RABGGTA: variants seen among roughly 807,000 people sequenced by gnomAD.
RABGGTA encodes the protein Rab geranylgeranyltransferase subunit alpha, also known as geranylgeranyl transferase type-2 subunit alpha.
RABGGTA carries 69 observed loss-of-function variants against 83.3 expected under a neutral mutation model. The ratio of observed to expected loss-of-function variants is 0.83; its 90% CI spans 0.68 to 1.01. RABGGTA has a LOEUF of 1.01. RABGGTA is among the 50% of genes least tolerant of loss of function. The probability of loss-of-function intolerance (pLI) is 0.00; values close to 1 mark genes in which losing one functional copy is unlikely to be tolerated. For synonymous variants in RABGGTA, 310 were observed against 299.8 expected, an observed-to-expected ratio of 1.03 and a Z score of -0.35; for missense variants, 681 against 712.7, an observed-to-expected ratio of 0.96 and a Z score of 0.51.
At chr14:24,266,663 A>T in intron 15 of RABGGTA, 113 bp downstream of exon 15, 1 of 1,226,738 alleles carries the variant, frequency 8.2e-7, no homozygotes, top group Non-Finnish European at 1.2e-6. Flanking sequence ...GCACGCAGTT[A>T]CCTGTTCGGG....
Position 24,269,613 on chromosome 14 carries a change from A to C in RABGGTA, c.509T>G (p.Leu170Arg). ...GTAGTTGGAGAAGTTTCGGGTGATG[A>C]GGCTGTCAGTGAAGGCTAGCTCTTC... ...PAEELAFTDS[L>R]ITRNFSNYSS... The change falls in exon 6 of 17, where the codon CTC becomes CGC. Residue 170 changes from leucine to arginine, a missense_variant. Physicochemically the swap from Leu to Arg is moderately radical, Grantham distance 102. This residue lies in a region of RABGGTA where 122 missense variants were observed against 118.9 expected (regional missense o/e 1.03). Coordinates refer to ENST00000216840, the MANE Select transcript of RABGGTA (RefSeq NM_182836.3). 1 of 1,613,858 alleles carries C rather than the reference A, an allele frequency of 6.2e-7. No homozygotes were observed. The highest frequency in any genetic ancestry group is 1.1e-5 in the South Asian group (1 of 91,082).
At chr14:24,266,980 G>T in intron 14 of RABGGTA, 91 bp from the exon 15 acceptor site, 1 of 944,272 alleles carries the variant, frequency 1.1e-6, no homozygotes, top group Non-Finnish European at 1.7e-6. Context: ...CATGCCCTCT[G>T]TGCCCCACAG....
intron 14 of RABGGTA, among the ~76,000 whole-genome samples, chr14:24,267,320 T>C (rs191048311): frequency 6.6e-6 from 1 of 152,080 alleles, no homozygotes. Context: ...CTCTGGAAAG[T>C]ATTTGGCCTT....
chr14:24,267,059 T>C (rs545873246), intron 14 of RABGGTA, among the ~76,000 whole-genome samples, 170 bp from the exon 15 acceptor site: 3 of 152,194 alleles, frequency 2.0e-5, no homozygotes, highest in Admixed American at 1.3e-4. Flanking sequence ...CCCACAGCAG[T>C]ACATGACGTG....
chr14:24,266,927 C>T (rs751949476), intron 14 of RABGGTA, 38 bp from the exon 15 acceptor site: 1 of 1,491,118 alleles, frequency 6.7e-7, no homozygotes, highest in Admixed American at 1.7e-5. Flanking sequence ...ATGGGCTTCC[C>T]AGGAGACCTG....
intron 13 of RABGGTA, 25 bp downstream of exon 13, chr14:24,267,845 G>A (rs532947880): frequency 4.3e-5 from 69 of 1,612,010 alleles, no homozygotes; most frequent in Non-Finnish European, 5.3e-5. Flanking sequence ...GCCTCCCCCT[G>A]GTCTGTTCTG....
Position 24,266,479 on chromosome 14 carries a change from G to A in RABGGTA, c.1506C>T (p.Asp502=), listed in dbSNP as rs200213681. 1.4e-3 allele frequency: 2,242 copies of A among 1,613,958 alleles called. 4 individuals are homozygous for A. Among genetic ancestry groups the A allele is most frequent in the Non-Finnish European group, 1.7e-3 (1,967 of 1,179,870 alleles). ...QASDNAIESL[D]GVTNLPRLQE... is the part of the protein sequence containing the mutation. ...GCAGCCGGGGTAGGTTGGTGACGCC[G>A]TCCAGGGACTCTATGGCATTATCAC... The change falls in exon 16 of 17, where the codon GAC becomes GAT. Residue 502 remains aspartate (D), a synonymous_variant. Coordinates refer to ENST00000216840, the MANE Select transcript of RABGGTA (RefSeq NM_182836.3).
At position 24,268,721 on chromosome 14, in the gene RABGGTA, A is replaced by G; in HGVS notation, c.900+4T>C. On this transcript the variant is annotated splice_donor_region_variant and intron_variant, in intron 9 of 16. Coordinates refer to ENST00000216840, the MANE Select transcript of RABGGTA (RefSeq NM_182836.3). ...CAACTTCTGCCCCACCAATCCTGGG[A>G]TACCCAGACATGGCTGGGCCGGTTC... 1 of 1,593,042 alleles carries G rather than the reference A, an allele frequency of 6.3e-7. No homozygotes were observed. Among genetic ancestry groups the G allele is most frequent in the Non-Finnish European group, 8.6e-7 (1 of 1,167,298 alleles).
rs1406532189 is a variant in RABGGTA at position 24,270,339 on chromosome 14, A to T, written c.234T>A (p.Thr78=). ...GATCCTGAATCCCTACGCACTTCTG[A>T]GTCTCCAGCTGCTGGAGCACCTCTC... ...CRREVLQQLE[T]QKSPEELAAL... The change falls in exon 4 of 17, where the codon ACT becomes ACA. Residue 78 remains threonine, a synonymous_variant. Transcript: ENST00000216840. 1.9e-6 allele frequency: 3 copies of T among 1,612,688 alleles called. No individual in the cohort carries two copies. The highest frequency in any genetic ancestry group is 3.3e-5 in the Admixed American group (2 of 59,780).
chr14:24,268,520 A>C lies in RABGGTA; in HGVS notation c.1000T>G (p.Leu334Val). 1.2e-6 allele frequency: 2 copies of C among 1,613,978 alleles called. No homozygotes were observed. The highest frequency in any genetic ancestry group is 1.7e-6 in the Non-Finnish European group (2 of 1,179,840). The change falls in exon 10 of 17, where the codon TTA becomes GTA. Residue 334 changes from leucine to valine, a missense_variant. Physicochemically the swap from Leu to Val is conservative, Grantham distance 32. Coordinates refer to ENST00000216840, the MANE Select transcript of RABGGTA (RefSeq NM_182836.3). ...AGDVQKECVL[L>V]KGRQEGWCRD... ...AGGCTGCAGGTTCCATCACCTTTTAAAAGCACGCATTCTTTCTGGACATCG... is the reference window on the plus strand; with the variant it reads ...AGGCTGCAGGTTCCATCACCTTTTACAAGCACGCATTCTTTCTGGACATCG...
At chr14:24,266,000 G>C (rs1035485338) in intron 16 of RABGGTA, among the ~76,000 whole-genome samples, 9 of 152,082 alleles carry the variant, frequency 5.9e-5, no homozygotes, top group African/African-American at 2.2e-4. Flanking sequence ...AGTGGTGCAG[G>C]GTATGATAAG....
chr14:24,269,868 C>T (rs2040923092), intron 5 of RABGGTA, 85 bp downstream of exon 5: 1 of 1,515,838 alleles, frequency 6.6e-7, no homozygotes. Flanking sequence ...CCTGGATATC[C>T]CTCCCCATTC....
intron 16 of RABGGTA, 147 bp from the exon 17 acceptor site, chr14:24,265,910 G>C: frequency 7.6e-7 from 1 of 1,307,244 alleles, no homozygotes; most frequent in Non-Finnish European, 1.0e-6. Context: ...TCTAGGCAGG[G>C]ACTGCAAATG....
Position 24,266,489 on chromosome 14 carries a change from T to A in RABGGTA, c.1496A>T (p.Glu499Val), listed in dbSNP as rs1234495621. 6.2e-7 allele frequency: 1 copy of A among 1,613,916 alleles called. No individual in the cohort carries two copies. Among genetic ancestry groups the A allele is most frequent in the Admixed American group, 1.7e-5 (1 of 60,020 alleles). Residue 499 changes from glutamate to valine, a missense_variant, in exon 16 of 17, where the codon GAG becomes GTG. Transcript: ENST00000216840. ...TAGGTTGGTGACGCCGTCCAGGGAC[T>A]CTATGGCATTATCACTGGCCTGCAG... Reference protein sequence around the residue: ...EVLQASDNAIESLDGVTNLPR... With the variant: ...EVLQASDNAIVSLDGVTNLPR...
chr14:24,270,270 C>T (rs1286581598), intron 4 of RABGGTA, 64 bp downstream of exon 4: 2 of 1,595,688 alleles, frequency 1.3e-6, no homozygotes, highest in African/African-American at 1.3e-5. Flanking sequence ...TCCTCCACCC[C>T]TAGACCCAGG....
chr14:24,266,601 C>T, intron 15 of RABGGTA, 84 bp from the exon 16 acceptor site: 1 of 1,371,332 alleles, frequency 7.3e-7, no homozygotes, highest in Non-Finnish European at 1.0e-6. Flanking sequence ...GGTGACGGGT[C>T]CACAGAGCAC....
chr14:24,269,635 C>T lies in RABGGTA; in HGVS notation c.487G>A (p.Glu163Lys). 6.2e-7 allele frequency: 1 copy of T among 1,613,990 alleles called. No individual in the cohort carries two copies. The highest frequency in any genetic ancestry group is 8.5e-7 in the Non-Finnish European group (1 of 1,179,872). ...ATQAAVPPAEELAFTDSLITR... is the reference protein window; with the variant it reads ...ATQAAVPPAEKLAFTDSLITR... The stretch of plus-strand genomic sequence containing the variant: ...ATGAGGCTGTCAGTGAAGGCTAGCT[C>T]TTCTGCAGGGGGCACGGCTGCCTGT... Residue 163 changes from glutamate (E) to lysine (K), a missense_variant, in exon 6 of 17, where the codon GAG (glutamate) becomes AAG (lysine). Glu to Lys is a moderately conservative substitution (Grantham distance 56, BLOSUM62 1). Transcript: ENST00000216840.
intron 16 of RABGGTA, among the ~76,000 whole-genome samples, chr14:24,266,062 G>A (rs2040869568): frequency 2.6e-5 from 4 of 152,194 alleles, no homozygotes; most frequent in Admixed American, 2.6e-4. Flanking sequence ...CAATGACCAA[G>A]GGCTGCTGAG....
chr14:24,268,412 C>T lies in RABGGTA; in HGVS notation c.1015G>A (p.Glu339Lys), dbSNP rs2040900717. ...GTCGTGGAGTCCCGGCACCAGCCCT[C>T]CTGGCGGCCTGGGGAAAGAGTAGGT... is the stretch of plus-strand genomic sequence containing the variant. ...KECVLLKGRQ[E>K]GWCRDSTTDE... is the part of the protein sequence containing the mutation. Residue 339 changes from glutamate to lysine, a missense_variant, in exon 11 of 17, where the codon GAG becomes AAG. By Grantham distance (56) the Glu-to-Lys change is moderately conservative. Transcript: ENST00000216840. 5 of 1,613,654 alleles carry T rather than the reference C, an allele frequency of 3.1e-6. No homozygotes were observed. Among genetic ancestry groups the T allele is most frequent in the Non-Finnish European group, 4.2e-6 (5 of 1,179,900 alleles).
Sources: gnomAD v4.1 joint callset for allele counts (sites outside exome capture counted in the v4.1 genomes callset) on GRCh38, gnomAD v4.1.1 for gene constraint, gnomAD v4.1.1 regional missense constraint, MANE v1.5 for transcripts, NCBI Gene and HGNC (gene_info 2026-07-23, HGNC 2026-07-21) for gene names.